The following SNTG1 variants were observed in gnomAD, a reference collection of about 807,000 sequenced individuals.
SNTG1 encodes syntrophin gamma 1.
Under a neutral mutation model 74.7 loss-of-function variants are expected in SNTG1, and 39 were observed. The ratio of observed to expected loss-of-function variants is 0.52; its 90% CI spans 0.40 to 0.68. The LOEUF is 0.68. SNTG1 is among the 30% of genes least tolerant of loss of function. The pLI is 0.00. For missense variants in SNTG1, 685 were observed against 609.5 expected, an observed-to-expected ratio of 1.12 and a Z score of -1.30; for synonymous variants, 254 against 217.1, an observed-to-expected ratio of 1.17 and a Z score of -1.49.
intron 8 of SNTG1, among the ~76,000 whole-genome samples, chr8:50,472,470 A>AC (rs1267793584): frequency 6.6e-6 from 1 of 152,172 alleles, no homozygotes; most frequent in African/African-American, 2.4e-5. Context: ...GGATATCTAT[A>AC]TGTGAAAAAA....
chr8:50,600,377 T>C (rs2094763725), intron 13 of SNTG1, among the ~76,000 whole-genome samples: 2 of 152,250 alleles, frequency 1.3e-5, no homozygotes, highest in Admixed American at 1.3e-4. Flanking sequence ...TTGGTATTAG[T>C]TCTTTAAATG....
At chr8:50,235,300 G>A (rs139007920) in intron 2 of SNTG1, among the ~76,000 whole-genome samples, 559 of 152,234 alleles carry the variant, frequency 3.7e-3, no homozygotes, top group Non-Finnish European at 5.8e-3. Context: ...TGACAACAGG[G>A]ATGAATGTGG....
At chr8:50,463,317 A>C (rs920574846) in intron 8 of SNTG1, among the ~76,000 whole-genome samples, 4 of 152,122 alleles carry the variant, frequency 2.6e-5, no homozygotes, top group African/African-American at 7.2e-5. Context: ...TCCTGTCCAG[A>C]AGGTTTTAAA....
chr8:50,267,548 C>T (rs2087545759), intron 2 of SNTG1, among the ~76,000 whole-genome samples: 1 of 152,112 alleles, frequency 6.6e-6, no homozygotes, highest in Admixed American at 6.6e-5. Context: ...GAATGCTCAT[C>T]TATTACAGAT....
At chr8:50,209,291 G>T (rs2084395747) in intron 2 of SNTG1, among the ~76,000 whole-genome samples, 1 of 152,104 alleles carries the variant, frequency 6.6e-6, no homozygotes, top group African/African-American at 2.4e-5. Context: ...CTCCACCTCT[G>T]GGGGCAGGGC....
intron 2 of SNTG1, among the ~76,000 whole-genome samples, chr8:50,276,403 ATATAT>A (rs1563832837): frequency 3.2e-4 from 46 of 142,620 alleles, no homozygotes; most frequent in South Asian, 1.8e-3. Flanking sequence ...ATATATATAT[ATATAT>A]AAATCATATA....
At chr8:50,469,594 C>A (rs1298910582) in intron 8 of SNTG1, among the ~76,000 whole-genome samples, 3 of 152,176 alleles carry the variant, frequency 2.0e-5, no homozygotes, top group African/African-American at 7.2e-5. Context: ...CTCACACTCA[C>A]CTTAAGGCCT....
chr8:50,357,065 G>C (rs2091837796), intron 2 of SNTG1, among the ~76,000 whole-genome samples: 1 of 152,128 alleles, frequency 6.6e-6, no homozygotes, highest in Non-Finnish European at 1.5e-5. Flanking sequence ...TCTCTCCCTG[G>C]TTGGCCTTCC....
chr8:50,198,842 G>A (rs1033052881), intron 2 of SNTG1, among the ~76,000 whole-genome samples: 1 of 151,688 alleles, frequency 6.6e-6, no homozygotes, highest in Admixed American at 6.6e-5. Context: ...AAGTCTTTTC[G>A]TAGAGTATCA....
chr8:50,536,767 T>C lies in SNTG1; in HGVS notation c.639T>C (p.His213=). 1.2e-6 allele frequency: 2 copies of C among 1,614,022 alleles called. No homozygotes were observed. Among genetic ancestry groups the C allele is most frequent in the East Asian group, 4.5e-5 (2 of 44,870 alleles). Residue 213 remains histidine (H), a synonymous_variant, in exon 11 of 19, where the codon CAT becomes CAC. Transcript: ENST00000642720. ...WCDLRLIPLL[H]SRFSQYVPGT... ...ACCTCAGACTGATCCCTCTACTTCA[T>C]TCGCGCTTCTCTCAGTATGTGCCCG...
At chr8:50,171,997 A>G (rs2082823936) in intron 1 of SNTG1, among the ~76,000 whole-genome samples, 1 of 152,108 alleles carries the variant, frequency 6.6e-6, no homozygotes, top group Non-Finnish European at 1.5e-5. Context: ...ATCTTTAAAA[A>G]CTAAATGACA....
At chr8:50,710,285 T>C (rs900403087) in intron 17 of SNTG1, among the ~76,000 whole-genome samples, 11 of 152,210 alleles carry the variant, frequency 7.2e-5, no homozygotes, top group African/African-American at 2.7e-4. Context: ...CCAATGACTC[T>C]TGAAAACTTT....
At chr8:50,200,904 T>A (rs2131840228) in intron 2 of SNTG1, among the ~76,000 whole-genome samples, 1 of 152,330 alleles carries the variant, frequency 6.6e-6, no homozygotes, top group East Asian at 1.9e-4. Flanking sequence ...ACTTTGTTCT[T>A]CACAGTGGCT....
intron 8 of SNTG1, among the ~76,000 whole-genome samples, chr8:50,488,852 C>T (rs1022069257): frequency 6.6e-6 from 1 of 152,034 alleles, no homozygotes; most frequent in Non-Finnish European, 1.5e-5. Context: ...TAAGTATAAA[C>T]GTGCCATGGT....
chr8:50,297,906 G>T (rs1286723957), intron 2 of SNTG1, among the ~76,000 whole-genome samples: 1 of 150,192 alleles, frequency 6.7e-6, no homozygotes, highest in Non-Finnish European at 1.5e-5. Flanking sequence ...CAACAATTTG[G>T]TTCGTTTATG....
chr8:50,449,649 T>C lies in SNTG1; in HGVS notation c.220-19T>C. 1 of 1,576,804 alleles carries C rather than the reference T, an allele frequency of 6.3e-7. No individual in the cohort carries two copies. The highest frequency in any genetic ancestry group is 1.4e-5 in the African/African-American group (1 of 73,770). ...TTTTTTTAGATTAAAAAGTACAATATATGATTTTCTCTTTTCAGGGAGGAG... is the reference window on the plus strand; with the variant it reads ...TTTTTTTAGATTAAAAAGTACAATACATGATTTTCTCTTTTCAGGGAGGAG... On this transcript the variant is annotated intron_variant, in intron 5 of 18. Coordinates refer to ENST00000642720, the MANE Select transcript of SNTG1 (RefSeq NM_018967.5).
At chr8:50,468,384 TTATTTCATTCCC>T (rs2093626224) in intron 8 of SNTG1, among the ~76,000 whole-genome samples, 1 of 152,118 alleles carries the variant, frequency 6.6e-6, no homozygotes, top group Non-Finnish European at 1.5e-5. Context: ...CACTTAATCA[TTATTTCATTCCC>T]CCCCTTAGCT....
At chr8:50,501,344 CT>C (rs976399096) in intron 8 of SNTG1, among the ~76,000 whole-genome samples, 21 of 139,752 alleles carry the variant, frequency 1.5e-4, no homozygotes, top group African/African-American at 4.0e-4. Flanking sequence ...TTTCAGAGTT[CT>C]TATTTGGTTG....
At chr8:50,236,487 T>G (rs2085905335) in intron 2 of SNTG1, among the ~76,000 whole-genome samples, 1 of 149,242 alleles carries the variant, frequency 6.7e-6, no homozygotes, top group South Asian at 2.1e-4. Context: ...GTCTCGCTCT[T>G]TAGGCCAGGC....
Sources: gnomAD v4.1 joint callset for allele counts (sites outside exome capture counted in the v4.1 genomes callset) on GRCh38, gnomAD v4.1.1 for gene constraint, MANE v1.5 for transcripts, NCBI Gene and HGNC (gene_info 2026-07-23, HGNC 2026-07-21) for gene names.